PITPNC1: variants seen among roughly 807,000 people sequenced by gnomAD.
The protein encoded by PITPNC1 is phosphatidylinositol transfer protein cytoplasmic 1.
Under a neutral mutation model 44.7 loss-of-function variants are expected in PITPNC1, and 18 were observed. The observed-to-expected ratio is 0.40, with a 90% CI of 0.28 to 0.60. The LOEUF is 0.60. Ranked by LOEUF, PITPNC1 falls within the 20% of genes least tolerant of loss-of-function variation. The probability of loss-of-function intolerance (pLI) is 0.39; values close to 1 mark genes in which losing one functional copy is unlikely to be tolerated. For synonymous variants in PITPNC1, 141 were observed against 149.6 expected (o/e 0.94, Z 0.42); for missense variants, 290 against 418.4 (o/e 0.69, Z 2.68).
chr17:67,397,966 AC>A (rs952252865), intron 1 of PITPNC1, among the ~76,000 whole-genome samples: 1 of 151,888 alleles, frequency 6.6e-6, no homozygotes, highest in Non-Finnish European at 1.5e-5. Context: ...GGTGGCGGGC[AC>A]CTGTAGTCCC....
intron 4 of PITPNC1, among the ~76,000 whole-genome samples, chr17:67,566,198 T>C (rs1389334185): frequency 6.6e-6 from 1 of 151,836 alleles, no homozygotes; most frequent in Non-Finnish European, 1.5e-5. Flanking sequence ...CTGGGCAGGG[T>C]TTTTTGTTTG....
chr17:67,610,543 T>G (rs1336422446), intron 5 of PITPNC1, among the ~76,000 whole-genome samples: 2 of 152,184 alleles, frequency 1.3e-5, no homozygotes, highest in Non-Finnish European at 2.9e-5. Context: ...CATCAGCATT[T>G]TGGGAGGCTG....
At chr17:67,562,718 C>T (rs111771980) in intron 4 of PITPNC1, among the ~76,000 whole-genome samples, 345 of 152,302 alleles carry the variant, frequency 2.3e-3, no homozygotes, top group African/African-American at 7.8e-3. Flanking sequence ...ATTTCCTTTG[C>T]ATCTTTGCCT....
chr17:67,399,532 T>C (rs1427920739), intron 1 of PITPNC1, among the ~76,000 whole-genome samples: 3 of 152,260 alleles, frequency 2.0e-5, no homozygotes, highest in African/African-American at 7.2e-5. Flanking sequence ...GAAAATCGCT[T>C]GAATTTGCTT....
At chr17:67,436,822 G>T (rs1410322430) in intron 1 of PITPNC1, among the ~76,000 whole-genome samples, 1 of 147,964 alleles carries the variant, frequency 6.8e-6, no homozygotes, top group African/African-American at 2.5e-5. Context: ...TTTATTGATT[G>T]TCTTCTGTAG....
At chr17:67,643,993 A>G (rs1167860735) in intron 6 of PITPNC1, among the ~76,000 whole-genome samples, 5 of 152,158 alleles carry the variant, frequency 3.3e-5, no homozygotes, top group South Asian at 2.1e-4. Context: ...TGTGATACCA[A>G]TAGCTCCAGC....
chr17:67,415,061 G>A (rs1351195795), intron 1 of PITPNC1, among the ~76,000 whole-genome samples: 3 of 152,026 alleles, frequency 2.0e-5, no homozygotes, highest in Admixed American at 2.0e-4. Flanking sequence ...TGTATTTTTT[G>A]TGGAGACAGG....
At chr17:67,433,583 C>T (rs751968985) in intron 1 of PITPNC1, among the ~76,000 whole-genome samples, 1 of 152,060 alleles carries the variant, frequency 6.6e-6, no homozygotes, top group Admixed American at 6.6e-5. Context: ...TGGTGGCCTG[C>T]GCCTGTAAAC....
chr17:67,673,816 T>G (rs1209927090), intron 7 of PITPNC1, among the ~76,000 whole-genome samples: 1 of 151,324 alleles, frequency 6.6e-6, no homozygotes, highest in Admixed American at 6.6e-5. Flanking sequence ...CCGGGCATGG[T>G]GACAGGCACC....
chr17:67,445,218 T>C (rs550263962), intron 1 of PITPNC1, among the ~76,000 whole-genome samples: 1 of 152,144 alleles, frequency 6.6e-6, no homozygotes, highest in South Asian at 2.1e-4. Context: ...TAATGAAAAC[T>C]CAGGGAGGGA....
intron 1 of PITPNC1, among the ~76,000 whole-genome samples, chr17:67,447,268 C>T (rs2039112025): frequency 6.6e-6 from 1 of 151,716 alleles, no homozygotes; most frequent in Non-Finnish European, 1.5e-5. Context: ...GGGATGGAGG[C>T]CCTTTGCTTT....
At chr17:67,687,897 G>A (rs563963677) in intron 8 of PITPNC1, among the ~76,000 whole-genome samples, 1 of 152,198 alleles carries the variant, frequency 6.6e-6, no homozygotes, top group African/African-American at 2.4e-5. Context: ...TGCTAATGAA[G>A]GGTAGCTAGA....
At chr17:67,430,791 C>CAA (rs537953933) in intron 1 of PITPNC1, among the ~76,000 whole-genome samples, 2 of 137,668 alleles carry the variant, frequency 1.5e-5, no homozygotes, top group Non-Finnish European at 1.6e-5. Flanking sequence ...CTGTCTCTAC[C>CAA]AAAAAAAAAA....
intron 1 of PITPNC1, among the ~76,000 whole-genome samples, chr17:67,439,095 A>C (rs1472757235): frequency 1.3e-5 from 2 of 152,194 alleles, no homozygotes; most frequent in Non-Finnish European, 2.9e-5. Flanking sequence ...GTAGGTGCTG[A>C]ATTAATTAAA....
intron 6 of PITPNC1, among the ~76,000 whole-genome samples, chr17:67,658,876 G>C (rs1209396675): frequency 2.0e-5 from 3 of 152,152 alleles, no homozygotes; most frequent in Non-Finnish European, 4.4e-5. Flanking sequence ...CAGGGGGGAA[G>C]CCATGTCTTC....
At position 67,676,217 on chromosome 17, in the gene PITPNC1, A is replaced by AG. The variant is rs2042600400; in HGVS notation, c.682+675_682+676insG. On this transcript the variant is annotated intron_variant, in intron 8 of 8. Transcript: ENST00000581322. The surrounding 1 kb of genome is among the most constrained non-coding windows in gnomAD (Gnocchi z 4.0). The stretch of plus-strand genomic sequence containing the variant: ...GCGAGACTCCGTCTCGGAAAAAAAA[A>AG]AAAAAGAAAGAAAGAAACTACCCCT... 6.6e-6 allele frequency among the ~76,000 whole-genome samples: 1 copy of AG among 152,044 alleles called. No individual in the cohort carries two copies. Among genetic ancestry groups the AG allele is most frequent in the Non-Finnish European group, 1.5e-5 (1 of 67,994 alleles).
chr17:67,561,760 T>C (rs188382612), intron 4 of PITPNC1, among the ~76,000 whole-genome samples: 2 of 152,328 alleles, frequency 1.3e-5, no homozygotes, highest in African/African-American at 4.8e-5. Flanking sequence ...TCTGTTATTA[T>C]TATTTTTAAT....
chr17:67,451,589 C>T (rs980866627), intron 1 of PITPNC1, among the ~76,000 whole-genome samples: 18 of 151,524 alleles, frequency 1.2e-4, no homozygotes, highest in African/African-American at 2.9e-4. Flanking sequence ...CTAGTAATTT[C>T]GTATAAAAAT....
At chr17:67,672,258 A>C (rs2042527712) in intron 7 of PITPNC1, among the ~76,000 whole-genome samples, 1 of 152,108 alleles carries the variant, frequency 6.6e-6, no homozygotes, top group Admixed American at 6.6e-5. Flanking sequence ...CCACTCACAA[A>C]GCATATTTAA....
Sources: allele counts gnomAD v4.1 joint callset (sites outside exome capture counted in the v4.1 genomes callset), GRCh38; gene constraint gnomAD v4.1.1; non-coding constraint Gnocchi (gnomAD v3.1); transcripts MANE v1.5; gene names NCBI Gene and HGNC (gene_info 2026-07-23, HGNC 2026-07-21).